Variants in GOSR2 observed in about 807,000 individuals in gnomAD.
The protein encoded by GOSR2 is golgi SNAP receptor complex member 2.
GOSR2 carries 20 observed loss-of-function variants against 27.9 expected under a neutral mutation model. That is an observed-to-expected ratio of 0.72 (90% CI 0.50 to 1.04). GOSR2 has a LOEUF of 1.04. Among genes scored for constraint, GOSR2 ranks in the 50% least tolerant of loss-of-function variants. The probability of loss-of-function intolerance (pLI) is 0.00; values close to 1 mark genes in which losing one functional copy is unlikely to be tolerated. For missense variants in GOSR2, 261 were observed against 270.5 expected, an observed-to-expected ratio of 0.97 and a Z score of 0.25; for synonymous variants, 91 against 98.8, an observed-to-expected ratio of 0.92 and a Z score of 0.47.
At position 46,932,100 on chromosome 17, in the gene GOSR2, C is replaced by T. The variant is rs1186777949; in HGVS notation, c.237C>T (p.His79=). The T allele has an allele frequency of 3.7e-6, 6 of 1,613,328 alleles. No individual in the cohort carries two copies. The highest frequency in any genetic ancestry group is 1.7e-5 in the Admixed American group (1 of 60,006). The change falls in exon 4 of 6, where the codon CAC becomes CAT. Residue 79 remains histidine, a synonymous_variant. Transcript: ENST00000640051. ...ACCAGTTAAAGTATGATGTCCAGCA[C>T]CTGCAGACTGCGCTCAGAAACTTCC... ...RVDQLKYDVQ[H]LQTALRNFQH...
chr17:46,959,006 A>G (rs1214628241), intron 6 of GOSR2, among the ~76,000 whole-genome samples: 2 of 152,248 alleles, frequency 1.3e-5, no homozygotes, highest in South Asian at 4.1e-4. Context: ...GTTTCTGTGC[A>G]GCCATGAAGA....
chr17:46,933,191 T>G (rs2087671347), intron 4 of GOSR2: 1 of 152,220 alleles, frequency 6.6e-6, no homozygotes, highest in African/African-American at 2.4e-5. Context: ...CGCTTGGGAT[T>G]ATTTTGTTTT....
At position 46,938,762 on chromosome 17, in the gene GOSR2, C is replaced by T; in HGVS notation, c.*2C>T. 1 of 1,613,670 alleles carries T rather than the reference C, an allele frequency of 6.2e-7. No individual in the cohort carries two copies. Among genetic ancestry groups the T allele is most frequent in the East Asian group, 2.2e-5 (1 of 44,878 alleles). ...CTCGTGGTGCAGTACCTGACATGAGCCAGCCACGCTCAGTGGCTGAACAGC... is the reference window on the plus strand; with the variant it reads ...CTCGTGGTGCAGTACCTGACATGAGTCAGCCACGCTCAGTGGCTGAACAGC... On this transcript the variant is annotated 3_prime_UTR_variant, in exon 6 of 6. Transcript: ENST00000640051.
chr17:46,951,453 G>A (rs562736819), intron 6 of GOSR2, among the ~76,000 whole-genome samples: 1 of 152,342 alleles, frequency 6.6e-6, no homozygotes, highest in African/African-American at 2.4e-5. Flanking sequence ...CACGTCTCCA[G>A]ATCACAGGTT....
chr17:46,949,651 A>G (rs1413472410), intron 6 of GOSR2, among the ~76,000 whole-genome samples: 1 of 152,184 alleles, frequency 6.6e-6, no homozygotes, highest in Non-Finnish European at 1.5e-5. Context: ...AAGTGCACAA[A>G]CCGTCACACA....
chr17:46,953,470 C>T (rs1417279926), intron 6 of GOSR2, among the ~76,000 whole-genome samples: 1 of 152,072 alleles, frequency 6.6e-6, no homozygotes, highest in Non-Finnish European at 1.5e-5. Flanking sequence ...GGGTTGGTTC[C>T]AGGTCTTTGC....
At chr17:46,951,476 G>T (rs959767318) in intron 6 of GOSR2, among the ~76,000 whole-genome samples, 1 of 152,236 alleles carries the variant, frequency 6.6e-6, no homozygotes, top group African/African-American at 2.4e-5. Flanking sequence ...GCAGTGACTT[G>T]TCAAGCTGCC....
chr17:46,932,241 A>G (rs2087501000), intron 4 of GOSR2, 42 bp downstream of exon 4: 11 of 1,611,630 alleles, frequency 6.8e-6, no homozygotes, highest in Non-Finnish European at 9.3e-6. Context: ...CACTTGACAG[A>G]TCGTGGGGGC....
At chr17:46,962,510 A>G (rs1255357845) in intron 6 of GOSR2, among the ~76,000 whole-genome samples, 1 of 152,132 alleles carries the variant, frequency 6.6e-6, no homozygotes, top group Non-Finnish European at 1.5e-5. Context: ...TTCTGGGCCA[A>G]TTATTGAGGT....
At chr17:46,934,654 A>G (rs1427859000) in intron 4 of GOSR2, among the ~76,000 whole-genome samples, 1 of 152,258 alleles carries the variant, frequency 6.6e-6, no homozygotes, top group Non-Finnish European at 1.5e-5. Flanking sequence ...AGGGGAAGCC[A>G]TGGAAAGGAA....
intron 3 of GOSR2, chr17:46,931,624 G>A: frequency 3.5e-6 from 1 of 287,296 alleles, no homozygotes; most frequent in East Asian, 8.8e-5. Flanking sequence ...TGATACTCCA[G>A]CATGAAATTA....
chr17:46,928,466 G>A (rs1003812031), intron 1 of GOSR2, among the ~76,000 whole-genome samples: 1 of 152,160 alleles, frequency 6.6e-6, no homozygotes, highest in African/African-American at 2.4e-5. Flanking sequence ...TGAGCACCGG[G>A]AAGTGGATGG....
At chr17:46,930,981 CT>C (rs1185603538) in intron 2 of GOSR2, 117 bp from the exon 3 acceptor site, 1 of 694,824 alleles carries the variant, frequency 1.4e-6, no homozygotes. Flanking sequence ...CATTTTTCTC[CT>C]TTTGAAATAT....
chr17:46,938,821 AAG>A lies in GOSR2; in HGVS notation c.*68_*69del, dbSNP rs1218141598. The A allele has an allele frequency of 5.0e-6, 8 of 1,609,902 alleles. No homozygotes were observed. Among genetic ancestry groups the A allele is most frequent in the Admixed American group, 3.3e-5 (2 of 59,876 alleles). Reference sequence around the variant, plus strand: ...AGCCTGCAAGTGTGTGTGTGTGTGAAAGAGAGAGGGGGGCCCAGAGGCCGCCT... The same window carrying A: ...AGCCTGCAAGTGTGTGTGTGTGTGAAAGAGAGGGGGGCCCAGAGGCCGCCT... On this transcript the variant is annotated 3_prime_UTR_variant, in exon 6 of 6. Transcript: ENST00000640051.
chr17:46,975,389 C>G (rs1006171286), exon 7 of GOSR2: 1 of 152,288 alleles, frequency 6.6e-6, no homozygotes. Flanking sequence ...GTGGGGCTTT[C>G]TAGAACCATC....
intron 1 of GOSR2, among the ~76,000 whole-genome samples, 183 bp from the exon 2 acceptor site, chr17:46,929,337 G>A (rs1198649940): frequency 6.6e-6 from 1 of 152,222 alleles, no homozygotes; most frequent in African/African-American, 2.4e-5. Context: ...GTTATTGTTA[G>A]TAGTTAAGAT....
rs1235217598 is a variant in GOSR2, at chr17:46,974,516, C to CCT, written c.616-683_616-682insCT. ...TTGGGAGGCCGAGGCGGGTGGATCACAAGGTCAGGAGATCGAGAGCATCCT... is the reference window on the plus strand; with the variant it reads ...TTGGGAGGCCGAGGCGGGTGGATCACCTAAGGTCAGGAGATCGAGAGCATCCT... On this transcript the variant is annotated intron_variant, in intron 6 of 6. Coordinates refer to the GOSR2 transcript ENST00000640723. Among the ~76,000 whole-genome samples the CCT allele has an allele frequency of 3.3e-5, 5 of 152,278 alleles. No individual in the cohort carries two copies. In the East Asian group the frequency reaches 5.8e-4, roughly 18 times the overall value.
At position 46,931,123 on chromosome 17, in the gene GOSR2, GC is replaced by G; in HGVS notation, c.120del (p.Ser40ArgfsTer2). The G allele has an allele frequency of 6.2e-7, 1 of 1,605,924 alleles. No individual in the cohort carries two copies. The highest frequency in any genetic ancestry group is 8.5e-7 in the Non-Finnish European group (1 of 1,172,800). On this transcript the variant is annotated frameshift_variant, in exon 3 of 6. Transcript: ENST00000640051. LOFTEE classifies it high-confidence loss of function. The part of the protein sequence containing the change: ...VHIVENEIQA[S>X]IDQIFSRLER... ...GTAGTAGAAAACGAAATCCAAGCAA[GC>G]ATAGACCAGATATTCAGCCGTCTAG...
At chr17:46,972,627 C>T (rs377647073) in intron 6 of GOSR2, among the ~76,000 whole-genome samples, 1 of 152,222 alleles carries the variant, frequency 6.6e-6, no homozygotes, top group East Asian at 1.9e-4. Flanking sequence ...TTCCATGTCC[C>T]GGGCTTTCTG....
Sources: gnomAD v4.1 joint callset for allele counts (sites outside exome capture counted in the v4.1 genomes callset) on GRCh38, gnomAD v4.1.1 for gene constraint, MANE v1.5 for transcripts, NCBI Gene and HGNC (gene_info 2026-07-23, HGNC 2026-07-21) for gene names.